The following FUT8 variants were observed in gnomAD, a reference collection of about 807,000 sequenced individuals.
FUT8 encodes the protein alpha-(1,6)-fucosyltransferase.
A neutral mutation model predicts 71.3 loss-of-function variants in FUT8; 29 were observed. That is an observed-to-expected ratio of 0.41 (90% CI 0.30 to 0.55). The LOEUF is 0.55. FUT8 is among the 20% of genes least tolerant of loss of function. The pLI, the probability that FUT8 is intolerant of heterozygous loss-of-function variation, is 0.34. For synonymous variants in FUT8, 254 were observed against 239.3 expected (o/e 1.06, Z -0.57); for missense variants, 544 against 702.1 (o/e 0.77, Z 2.55).
intron 7 of FUT8, among the ~76,000 whole-genome samples, chr14:65,679,562 A>G (rs1200412201): frequency 6.6e-6 from 1 of 152,174 alleles, no homozygotes; most frequent in Non-Finnish European, 1.5e-5. Flanking sequence ...ATTTTTGTAC[A>G]TCTGTATCAT....
Position 65,721,779 on chromosome 14 carries a change from A to G in FUT8, c.840A>G (p.Glu280=). 1 of 1,614,092 alleles carries G rather than the reference A, an allele frequency of 6.2e-7. No homozygotes were observed. Among genetic ancestry groups the G allele is most frequent in the Non-Finnish European group, 8.5e-7 (1 of 1,179,916 alleles). Residue 280 remains glutamate, a synonymous_variant, in exon 8 of 11, where the codon GAA becomes GAG. Coordinates refer to ENST00000673929, the MANE Select transcript of FUT8 (RefSeq NM_001371533.1). ...SGISTGHWSG[E]VKDKNVQVVE... ...TATATGTTTCAATATTGTCAGGTGA[A>G]GTGAAGGACAAAAATGTTCAAGTGG...
chr14:65,578,469 T>C (rs1257798013), intron 3 of FUT8, among the ~76,000 whole-genome samples: 2 of 152,232 alleles, frequency 1.3e-5, no homozygotes, highest in African/African-American at 4.8e-5. Flanking sequence ...AGCTCAAGCT[T>C]GTCCAACTCG....
In FUT8 at chr14:65,421,764, A is replaced by G. The variant is rs545673032; in HGVS notation, c.-326+8550A>G. ...ACCCCCCCCTTTTTTTTTTTTTGCC[A>G]TATCCACAGTCTTTTTCGTGATTTC... On this transcript the variant is annotated intron_variant, in intron 1 of 10. Transcript: ENST00000673929. 2.6e-3 allele frequency among the ~76,000 whole-genome samples: 256 copies of G among 98,496 alleles called. 2 individuals are homozygous for G. The highest frequency in any genetic ancestry group is 9.8e-3 in the African/African-American group (241 of 24,644). The allele number at this position is 98,496 out of a possible 152,430, so 64.6% of individuals were successfully genotyped here. A position where few individuals can be genotyped will look rare whatever the true frequency, so the allele number is the denominator to read the frequency against.
intron 7 of FUT8, among the ~76,000 whole-genome samples, chr14:65,712,088 CTG>C (rs1358137291): frequency 1.3e-5 from 2 of 152,290 alleles, no homozygotes; most frequent in African/African-American, 4.8e-5. Flanking sequence ...GACATCTTAA[CTG>C]GAGTTATTTT....
At chr14:65,563,721 A>G (rs1022469958) in intron 3 of FUT8, among the ~76,000 whole-genome samples, 4 of 151,966 alleles carry the variant, frequency 2.6e-5, no homozygotes, top group Non-Finnish European at 5.9e-5. Flanking sequence ...TTCAATACTG[A>G]TATTTCAATT....
intron 2 of FUT8, among the ~76,000 whole-genome samples, chr14:65,544,991 C>G (rs866570918): frequency 4.0e-4 from 60 of 151,862 alleles, no homozygotes; most frequent in South Asian, 1.9e-3. Context: ...TCCTTCCCCT[C>G]CTCTCCTCTT....
At chr14:65,485,027 A>G (rs909288636) in intron 2 of FUT8, among the ~76,000 whole-genome samples, 2 of 151,960 alleles carry the variant, frequency 1.3e-5, no homozygotes, top group African/African-American at 2.4e-5. Flanking sequence ...TGTTTTGGCT[A>G]TATGAAATGC....
intron 1 of FUT8, 136 bp from the exon 2 acceptor site, chr14:65,455,485 C>T (rs913299659): frequency 1.8e-5 from 7 of 389,902 alleles, no homozygotes; most frequent in Non-Finnish European, 3.2e-5. Flanking sequence ...CAGAATAAGT[C>T]AGTGTACAAA....
intron 2 of FUT8, among the ~76,000 whole-genome samples, chr14:65,505,923 T>C (rs7350748): frequency 0.012 from 1,845 of 152,304 alleles, 15 homozygotes; most frequent in South Asian, 0.024. Flanking sequence ...AGCTATCCTC[T>C]GGCTGGATAA....
rs71446303 is a variant in FUT8, at chr14:65,508,067, CTTTTTTTT to C, written c.-228+52360_-228+52367del. Among the ~76,000 whole-genome samples, 11 of 126,012 alleles carry C rather than the reference CTTTTTTTT, an allele frequency of 8.7e-5. No homozygotes were observed. The East Asian group carries it at 1.6e-3, about 18-fold the overall frequency. 82.7% of individuals were successfully genotyped at this position (126,012 alleles called of 152,430 possible). A position where few individuals can be genotyped will look rare whatever the true frequency, so the allele number is the denominator to read the frequency against. ...CTCTGATGATCAGTGATGTTAAACA[CTTTTTTTT>C]TTTTTTTTTTGAGATGGAGTCTTGC... On this transcript the variant is annotated intron_variant, in intron 2 of 10. Transcript: ENST00000673929.
intron 3 of FUT8, among the ~76,000 whole-genome samples, chr14:65,597,080 C>A (rs1426826721): frequency 1.3e-5 from 2 of 152,100 alleles, no homozygotes; most frequent in Non-Finnish European, 2.9e-5. Context: ...CAAAATAAGT[C>A]TTTATGGTAC....
intron 7 of FUT8, among the ~76,000 whole-genome samples, chr14:65,704,464 TG>T (rs1175205917): frequency 2.6e-5 from 4 of 152,164 alleles, no homozygotes; most frequent in African/African-American, 9.7e-5. Flanking sequence ...TTCTTGCCAA[TG>T]AAGAGAAGCT....
rs1279959209 is a variant in FUT8, at chr14:65,652,810, CAT to C, written c.598-16432_598-16431del. ...CCAGCTGTCCCTGTTAACAGGACCT[CAT>C]GTGGAATACTTGAAGGCTGGGCTGG... is the stretch of plus-strand genomic sequence containing the variant. On this transcript the variant is annotated intron_variant, in intron 6 of 10. Coordinates refer to ENST00000673929, the MANE Select transcript of FUT8 (RefSeq NM_001371533.1). The surrounding 1 kb of genome is among the most constrained non-coding windows in gnomAD (Gnocchi z 4.0). Among the ~76,000 whole-genome samples, 1 of 152,168 alleles carries C rather than the reference CAT, an allele frequency of 6.6e-6. No homozygotes were observed. The highest frequency in any genetic ancestry group is 1.5e-5 in the Non-Finnish European group (1 of 68,024).
At chr14:65,658,029 G>T (rs1012362183) in intron 6 of FUT8, among the ~76,000 whole-genome samples, 1 of 152,102 alleles carries the variant, frequency 6.6e-6, no homozygotes, top group African/African-American at 2.4e-5. Context: ...GGATGAAAGA[G>T]AAGCCATAGA....
At chr14:65,462,914 T>A (rs2065987884) in intron 2 of FUT8, among the ~76,000 whole-genome samples, 1 of 152,232 alleles carries the variant, frequency 6.6e-6, no homozygotes, top group Non-Finnish European at 1.5e-5. Context: ...TTCAAAACCA[T>A]ATACCAGGGG....
chr14:65,566,283 A>G (rs1333415750), intron 3 of FUT8, among the ~76,000 whole-genome samples: 1 of 152,032 alleles, frequency 6.6e-6, no homozygotes, highest in Admixed American at 6.6e-5. Flanking sequence ...GAAGTAACAC[A>G]GTGTCAATTC....
intron 10 of FUT8, among the ~76,000 whole-genome samples, chr14:65,738,955 A>G (rs764068108): frequency 5.9e-5 from 9 of 152,066 alleles, no homozygotes; most frequent in Non-Finnish European, 8.8e-5. Context: ...GCATTGTTCT[A>G]GGTGTTTATC....
At position 65,616,061 on chromosome 14, in the gene FUT8, A is replaced by T; in HGVS notation, c.287A>T (p.Gln96Leu). The change falls in exon 4 of 11, where the codon CAG (glutamine) becomes CTG (leucine). Residue 96 changes from glutamine to leucine, a missense_variant. Transcript: ENST00000673929. ...GAGCAGCTTGTTAAGGCCAAAGAAC[A>T]GATTGAAAATTACAAGAAACAGACC... is the stretch of plus-strand genomic sequence containing the variant. ...LEEQLVKAKE[Q>L]IENYKKQTRN... is the part of the protein sequence containing the mutation. 6.2e-7 allele frequency: 1 copy of T among 1,614,032 alleles called. No individual in the cohort carries two copies. Among genetic ancestry groups the T allele is most frequent in the Non-Finnish European group, 8.5e-7 (1 of 1,179,904 alleles).
At chr14:65,560,407 G>T (rs571048738) in intron 2 of FUT8, among the ~76,000 whole-genome samples, 2 of 152,080 alleles carry the variant, frequency 1.3e-5, no homozygotes, top group Non-Finnish European at 2.9e-5. Flanking sequence ...CTCAAACTCT[G>T]GGTTCAAGCA....
Sources: gnomAD v4.1 joint callset for allele counts (sites outside exome capture counted in the v4.1 genomes callset) on GRCh38, gnomAD v4.1.1 for gene constraint, Gnocchi (gnomAD v3.1) non-coding constraint, MANE v1.5 for transcripts, NCBI Gene and HGNC (gene_info 2026-07-23, HGNC 2026-07-21) for gene names.